Variants in CSMD3 observed in about 807,000 individuals in gnomAD.
CSMD3 encodes CUB and sushi domain-containing protein 3.
A neutral mutation model predicts 435.2 loss-of-function variants in CSMD3; 177 were observed. The observed-to-expected ratio is 0.41, with a 90% CI of 0.36 to 0.46. The LOEUF (loss-of-function observed/expected upper bound fraction) is 0.46, where lower values mean the gene tolerates loss of function less well. Among genes scored for constraint, CSMD3 ranks in the 20% least tolerant of loss-of-function variants. The pLI is 0.34. For missense variants in CSMD3, 4,265 were observed against 4,504.6 expected (o/e 0.95, Z 1.52); for synonymous variants, 1,656 against 1,520.5 (o/e 1.09, Z -2.07).
chr8:113,125,153 T>C (rs1188537630), intron 4 of CSMD3, among the ~76,000 whole-genome samples: 1 of 151,920 alleles, frequency 6.6e-6, no homozygotes, highest in Non-Finnish European at 1.5e-5. Context: ...TATTCCTGCA[T>C]AAGGAGTAAG....
At chr8:113,122,581 A>ATCTTCTTCCCCCCAATTT (rs1336822787) in intron 4 of CSMD3, among the ~76,000 whole-genome samples, 2 of 152,000 alleles carry the variant, frequency 1.3e-5, no homozygotes, top group East Asian at 3.9e-4. Flanking sequence ...AAATTGGGGG[A>ATCTTCTTCCCCCCAATTT]AGAAGAGGGA....
chr8:112,503,890 G>A lies in CSMD3; in HGVS notation c.4983C>T (p.Ser1661=), dbSNP rs769030894. The A allele has an allele frequency of 6.2e-6, 10 of 1,612,164 alleles. No individual in the cohort carries two copies. Among genetic ancestry groups the A allele is most frequent in the Non-Finnish European group, 7.6e-6 (9 of 1,178,820 alleles). ...TGCTTTCTATTCTCTCTGGTAACTT[G>A]CTGTCTTGAAAACTTCCAATCAGTG... The part of the protein sequence containing the change: ...NSPLIGSFQD[S]KLPERIESSS... The change falls in exon 30 of 71, where the codon AGC becomes AGT. Residue 1661 remains serine, a synonymous_variant. Transcript: ENST00000297405.
intron 45 of CSMD3, 121 bp downstream of exon 45, chr8:112,335,208 T>C (rs1824443780): frequency 1.0e-6 from 1 of 953,382 alleles, no homozygotes; most frequent in African/African-American, 1.6e-5. Context: ...GTTACTGTGA[T>C]TATAAAATTT....
intron 3 of CSMD3, among the ~76,000 whole-genome samples, chr8:113,219,095 T>C (rs926976228): frequency 6.6e-6 from 1 of 151,370 alleles, no homozygotes; most frequent in African/African-American, 2.4e-5. Context: ...ATTGTATAAA[T>C]ACATCAATCT....
At chr8:112,717,627 G>A (rs1284458688) in intron 13 of CSMD3, among the ~76,000 whole-genome samples, 1 of 152,114 alleles carries the variant, frequency 6.6e-6, no homozygotes, top group African/African-American at 2.4e-5. Flanking sequence ...GTTTATTGCA[G>A]CATTATTTAC....
intron 8 of CSMD3, among the ~76,000 whole-genome samples, chr8:112,953,641 A>G (rs190083923): frequency 6.6e-6 from 1 of 151,566 alleles, no homozygotes; most frequent in African/African-American, 2.4e-5. Context: ...AATATTTGAT[A>G]TAAGACTCCA....
At chr8:112,295,683 C>G (rs1179025318) in intron 54 of CSMD3, 150 bp downstream of exon 54, 3 of 636,644 alleles carry the variant, frequency 4.7e-6, no homozygotes, top group Non-Finnish European at 8.3e-6. Context: ...ACTTTAAAGA[C>G]TTTTGCATAG....
chr8:112,357,543 G>T (rs575850617), intron 38 of CSMD3, among the ~76,000 whole-genome samples: 1 of 152,178 alleles, frequency 6.6e-6, no homozygotes, highest in Non-Finnish European at 1.5e-5. Flanking sequence ...TGTTTCCAGG[G>T]CATGTCAGAG....
intron 1 of CSMD3, among the ~76,000 whole-genome samples, chr8:113,389,435 T>C (rs974025055): frequency 4.6e-5 from 7 of 151,698 alleles, no homozygotes; most frequent in Middle Eastern, 3.4e-3. Context: ...AAAATATTAA[T>C]GTAAAAATAG....
intron 21 of CSMD3, among the ~76,000 whole-genome samples, chr8:112,637,671 TAAG>T (rs1480742033): frequency 1.3e-5 from 2 of 152,110 alleles, no homozygotes; most frequent in African/African-American, 2.4e-5. Context: ...TATACAGTCC[TAAG>T]AAGAAGTAGC....
At chr8:113,321,709 A>G (rs891460682) in intron 1 of CSMD3, among the ~76,000 whole-genome samples, 19 of 152,296 alleles carry the variant, frequency 1.2e-4, no homozygotes, top group African/African-American at 4.1e-4. Context: ...CCCATACCAA[A>G]TGACTCTCCA....
intron 20 of CSMD3, among the ~76,000 whole-genome samples, chr8:112,641,982 A>C (rs1014672213): frequency 3.9e-5 from 6 of 152,150 alleles, no homozygotes; most frequent in Non-Finnish European, 8.8e-5. Context: ...AAGACAACCA[A>C]TTCTAATAAG....
chr8:113,301,106 G>A (rs1029842050), intron 2 of CSMD3, among the ~76,000 whole-genome samples: 3 of 151,868 alleles, frequency 2.0e-5, no homozygotes, highest in Non-Finnish European at 2.9e-5. Context: ...GTATAATTTC[G>A]AAAAAAGTTA....
intron 2 of CSMD3, among the ~76,000 whole-genome samples, chr8:113,294,891 A>G (rs1588458596): frequency 6.6e-6 from 1 of 152,292 alleles, no homozygotes; most frequent in East Asian, 1.9e-4. Flanking sequence ...CAAGATTTCA[A>G]GAGTATCCTC....
chr8:112,236,521 A>C lies in CSMD3; in HGVS notation c.10627+669T>G, dbSNP rs1813611987. On this transcript the variant is annotated intron_variant, in intron 67 of 70. Coordinates refer to ENST00000297405, the MANE Select transcript of CSMD3 (RefSeq NM_198123.2). ...ATAATTTCAAATATTGTAAAGAAAA[A>C]AACAGGGTAAGGCTGCCTAAAACTA... 1.3e-5 allele frequency among the ~76,000 whole-genome samples: 2 copies of C among 152,158 alleles called. 1 individual carries two copies. Among genetic ancestry groups the C allele is most frequent in the South Asian group, 4.1e-4 (2 of 4,830 alleles).
At chr8:112,409,222 A>C (rs776682232) in intron 32 of CSMD3, among the ~76,000 whole-genome samples, 190 bp from the exon 33 acceptor site, 22 of 152,104 alleles carry the variant, frequency 1.4e-4, no homozygotes, top group Admixed American at 1.4e-3. Context: ...CAGGTCATAA[A>C]AGAAGTGACC....
chr8:112,885,112 C>G (rs1477119969), intron 10 of CSMD3, among the ~76,000 whole-genome samples: 1 of 151,568 alleles, frequency 6.6e-6, no homozygotes, highest in Admixed American at 6.6e-5. Context: ...ATACTGTGAG[C>G]CTCTTGAGGA....
chr8:113,079,040 A>T (rs2089454206), intron 5 of CSMD3, among the ~76,000 whole-genome samples: 1 of 152,168 alleles, frequency 6.6e-6, no homozygotes, highest in African/African-American at 2.4e-5. Context: ...CTTTGAGCAA[A>T]GATTATTATT....
chr8:113,253,873 T>G (rs2093357002), intron 3 of CSMD3, among the ~76,000 whole-genome samples: 1 of 151,886 alleles, frequency 6.6e-6, no homozygotes, highest in African/African-American at 2.4e-5. Flanking sequence ...GAAATGAAAC[T>G]TATGTCCTCG....
Sources: allele counts gnomAD v4.1 joint callset (sites outside exome capture counted in the v4.1 genomes callset), GRCh38; gene constraint gnomAD v4.1.1; transcripts MANE v1.5; gene names NCBI Gene and HGNC (gene_info 2026-07-23, HGNC 2026-07-21).